Variants in ZBTB20 observed in about 807,000 individuals in gnomAD.
ZBTB20 encodes zinc finger and BTB domain-containing protein 20.
In ZBTB20, 9 loss-of-function variants were observed where a neutral mutation model predicts 56.9. The observed-to-expected ratio is 0.16, with a 90% CI of 0.10 to 0.28. The LOEUF (loss-of-function observed/expected upper bound fraction) is 0.28. Among genes scored for constraint, ZBTB20 ranks in the 10% least tolerant of loss-of-function variants. ZBTB20 has a pLI of 1.00. For missense variants in ZBTB20, 655 were observed against 1,003.0 expected (o/e 0.65, Z 4.69); for synonymous variants, 417 against 420.7 (o/e 0.99, Z 0.11).
intron 6 of ZBTB20, among the ~76,000 whole-genome samples, chr3:114,531,604 G>C (rs1308148319): frequency 6.6e-6 from 1 of 152,192 alleles, no homozygotes; most frequent in Non-Finnish European, 1.5e-5. Context: ...TCAATGGAAA[G>C]AAAGATTTTT....
At chr3:114,460,741 G>C (rs1329857242) in intron 7 of ZBTB20, among the ~76,000 whole-genome samples, 1 of 152,128 alleles carries the variant, frequency 6.6e-6, no homozygotes, top group Non-Finnish European at 1.5e-5. Context: ...ACAGCCATAG[G>C]AAATTAACAC....
intron 7 of ZBTB20, among the ~76,000 whole-genome samples, chr3:114,438,854 T>C (rs2090718650): frequency 6.6e-6 from 1 of 152,042 alleles, no homozygotes; most frequent in African/African-American, 2.4e-5. Context: ...ACTGCACAGG[T>C]TGTATACCCA....
intron 4 of ZBTB20, among the ~76,000 whole-genome samples, chr3:114,894,492 C>A (rs1320919815): frequency 6.6e-6 from 1 of 152,054 alleles, no homozygotes; most frequent in Non-Finnish European, 1.5e-5. Context: ...GAGTTCTAAC[C>A]CCAAGTACTT....
intron 1 of ZBTB20, among the ~76,000 whole-genome samples, chr3:115,108,543 GT>G (rs1381601312): frequency 6.6e-6 from 1 of 152,178 alleles, no homozygotes; most frequent in Admixed American, 6.5e-5. Flanking sequence ...TGAAGTTTAT[GT>G]TTTGTGATGC....
rs952846962 is a variant in ZBTB20, at chr3:114,324,196, T to C, written c.*14809A>G. On this transcript the variant is annotated 3_prime_UTR_variant, in exon 12 of 12. Coordinates refer to ENST00000675478, the MANE Select transcript of ZBTB20 (RefSeq NM_001348800.3). Reference sequence around the variant, plus strand: ...AGTCTAGTTAAAATCAAGGGTATTATTTAGAAGAGGAAAACAGCTATTTAA... The same window carrying C: ...AGTCTAGTTAAAATCAAGGGTATTACTTAGAAGAGGAAAACAGCTATTTAA... 1 of 152,204 alleles carries C rather than the reference T, an allele frequency of 6.6e-6. No homozygotes were observed. Among genetic ancestry groups the C allele is most frequent in the Non-Finnish European group, 1.5e-5 (1 of 68,032 alleles). 9.4% of individuals were successfully genotyped at this position (152,204 alleles called of 1,614,324 possible).
chr3:115,032,409 C>G (rs987835531), intron 2 of ZBTB20, among the ~76,000 whole-genome samples: 1 of 151,376 alleles, frequency 6.6e-6, no homozygotes, highest in Non-Finnish European at 1.5e-5. Flanking sequence ...AGTTACATTA[C>G]ACAGTCACTA....
chr3:114,876,366 C>T (rs2076196983), intron 4 of ZBTB20: 2 of 152,180 alleles, frequency 1.3e-5, no homozygotes, highest in African/African-American at 4.8e-5. Flanking sequence ...AGAAGGATCG[C>T]TTGAGCCCAA....
chr3:114,563,889 G>T (rs781390567), intron 6 of ZBTB20, among the ~76,000 whole-genome samples: 3 of 152,162 alleles, frequency 2.0e-5, no homozygotes, highest in Admixed American at 6.5e-5. Flanking sequence ...CATGAAGCAG[G>T]TTCATGGGAA....
chr3:114,796,181 G>C (rs2071330949), intron 5 of ZBTB20, among the ~76,000 whole-genome samples: 1 of 151,894 alleles, frequency 6.6e-6, no homozygotes, highest in African/African-American at 2.4e-5. Context: ...AGAGTGGATT[G>C]TTTCTGTCCA....
intron 2 of ZBTB20, among the ~76,000 whole-genome samples, chr3:115,012,253 A>G (rs2079750602): frequency 1.3e-5 from 2 of 151,876 alleles, no homozygotes; most frequent in Admixed American, 6.6e-5. Flanking sequence ...AAACTCTCCA[A>G]TCAAAAGACA....
At chr3:114,955,482 T>C (rs2077214384) in intron 3 of ZBTB20, among the ~76,000 whole-genome samples, 1 of 152,202 alleles carries the variant, frequency 6.6e-6, no homozygotes, top group African/African-American at 2.4e-5. Flanking sequence ...CTTTACTGAC[T>C]TAATGACAAC....
chr3:114,514,135 T>C (rs538424008), intron 6 of ZBTB20, among the ~76,000 whole-genome samples: 4 of 152,228 alleles, frequency 2.6e-5, no homozygotes, highest in Admixed American at 2.6e-4. Flanking sequence ...GCTAGAGCTA[T>C]AACAGAATCA....
intron 4 of ZBTB20, among the ~76,000 whole-genome samples, chr3:114,872,285 T>A (rs1379593268): frequency 1.8e-4 from 28 of 152,122 alleles, no homozygotes; most frequent in Non-Finnish European, 1.8e-4. Context: ...TCAAGAGGTT[T>A]CCAGTACACT....
chr3:114,818,179 CA>C (rs200987998), intron 4 of ZBTB20, among the ~76,000 whole-genome samples: 1,606 of 152,158 alleles, frequency 0.011, 34 homozygotes, highest in African/African-American at 0.036. Flanking sequence ...CTTTTATGGA[CA>C]TTTTTTATTA....
intron 7 of ZBTB20, among the ~76,000 whole-genome samples, chr3:114,416,300 G>T (rs2088543976): frequency 7.0e-6 from 1 of 142,646 alleles, no homozygotes; most frequent in African/African-American, 2.6e-5. Context: ...TCAGACATAT[G>T]ATAATTTCAA....
rs892621169 is a variant in ZBTB20, at chr3:114,711,440, G to A, written c.-342-17865C>T. ...AAATCTTTATTCTGCATGGTGCAGC[G>A]GCTTCTCTGGATTGTCCCAGAGGCC... On this transcript the variant is annotated intron_variant, in intron 5 of 11. Coordinates refer to ENST00000675478, the MANE Select transcript of ZBTB20 (RefSeq NM_001348800.3). Among the ~76,000 whole-genome samples the A allele has an allele frequency of 1.5e-4, 23 of 152,268 alleles. No homozygotes were observed. The East Asian group carries it at 3.1e-3, about 20-fold the overall frequency.
At chr3:114,468,745 A>C (rs910599247) in intron 7 of ZBTB20, among the ~76,000 whole-genome samples, 2 of 152,132 alleles carry the variant, frequency 1.3e-5, no homozygotes, top group African/African-American at 4.8e-5. Context: ...AAAATTTTGG[A>C]AACTTTAACA....
chr3:114,582,974 C>A (rs2054808801), intron 6 of ZBTB20, among the ~76,000 whole-genome samples: 1 of 152,318 alleles, frequency 6.6e-6, no homozygotes, highest in Non-Finnish European at 1.5e-5. Context: ...TGCCAATGCA[C>A]AAAGATCATC....
chr3:114,852,764 T>C (rs2075065668), intron 4 of ZBTB20, among the ~76,000 whole-genome samples: 1 of 152,212 alleles, frequency 6.6e-6, no homozygotes, highest in Admixed American at 6.5e-5. Context: ...TCCTTTCTGA[T>C]TAGTTTTCAT....
Sources: gnomAD v4.1 joint callset for allele counts (sites outside exome capture counted in the v4.1 genomes callset) on GRCh38, gnomAD v4.1.1 for gene constraint, MANE v1.5 for transcripts, NCBI Gene and HGNC (gene_info 2026-07-23, HGNC 2026-07-21) for gene names.